NALCN: variants seen among roughly 807,000 people sequenced by gnomAD.
NALCN encodes sodium leak channel, non-selective, also known as sodium leak channel NALCN.
Under a neutral mutation model 225.3 loss-of-function variants are expected in NALCN, and 111 were observed. The ratio of observed to expected loss-of-function variants is 0.49; its 90% confidence interval spans 0.42 to 0.58. NALCN has a LOEUF of 0.58. NALCN is among the 20% of genes least tolerant of loss of function. The pLI, the probability that NALCN is intolerant of heterozygous loss-of-function variation, is 0.00. For synonymous variants in NALCN, 764 were observed against 769.0 expected (o/e 0.99, Z 0.11); for missense variants, 1,378 against 2,202.4 (o/e 0.63, Z 7.49).
chr13:101,090,077 T>A, intron 28 of NALCN, 111 bp from the exon 29 acceptor site: 3 of 1,471,604 alleles, frequency 2.0e-6, no homozygotes, highest in South Asian at 1.3e-5. Context: ...TGTGTGTGTA[T>A]ATACACACAC....
At chr13:101,148,221 G>A (rs182880384) in intron 15 of NALCN, among the ~76,000 whole-genome samples, 17 of 152,196 alleles carry the variant, frequency 1.1e-4, no homozygotes, top group African/African-American at 3.1e-4. Flanking sequence ...AAACCAAGGC[G>A]CCAGCAGGGC....
chr13:101,412,990 G>A (rs2047832987), intron 1 of NALCN, among the ~76,000 whole-genome samples: 1 of 152,034 alleles, frequency 6.6e-6, no homozygotes, highest in Non-Finnish European at 1.5e-5. Context: ...TGGTTTTCAG[G>A]TGATTTTTGT....
At chr13:101,183,930 AG>A (rs1267988979) in intron 14 of NALCN, among the ~76,000 whole-genome samples, 1 of 152,226 alleles carries the variant, frequency 6.6e-6, no homozygotes, top group Non-Finnish European at 1.5e-5. Flanking sequence ...GCTGTAAAAA[AG>A]AAAGCCAAAT....
chr13:101,210,351 ACTAAGACT>A (rs1009246906), intron 13 of NALCN, among the ~76,000 whole-genome samples: 45 of 152,314 alleles, frequency 3.0e-4, no homozygotes, highest in African/African-American at 1.0e-3. Context: ...CTTCTGGCAC[ACTAAGACT>A]CTGGGTGTTA....
intron 3 of NALCN, among the ~76,000 whole-genome samples, chr13:101,391,044 G>A (rs966456821): frequency 1.3e-5 from 2 of 151,330 alleles, no homozygotes; most frequent in African/African-American, 4.9e-5. Flanking sequence ...ATGTACCCTA[G>A]AACTTAAAGT....
intron 7 of NALCN, among the ~76,000 whole-genome samples, chr13:101,296,702 C>T (rs770900211): frequency 3.3e-5 from 5 of 152,104 alleles, no homozygotes; most frequent in Non-Finnish European, 7.4e-5. Context: ...AACAATAAGG[C>T]CTGTTCCAAA....
At position 101,195,036 on chromosome 13, in the gene NALCN, A is replaced by C. The variant is rs530930526; in HGVS notation, c.1627-2982T>G. ...AAAAGAAAATAAAAAGAAAGGGAAG[A>C]ATAGTAACTTTGGTGTGTAAGCAAA... On this transcript the variant is annotated intron_variant, in intron 13 of 43. Transcript: ENST00000251127. Among the ~76,000 whole-genome samples, 8 of 152,240 alleles carry C rather than the reference A, an allele frequency of 5.3e-5. No individual in the cohort carries two copies. The South Asian group carries it at 1.5e-3, about 28-fold the overall frequency.
intron 6 of NALCN, chr13:101,368,823 T>C (rs1181129355): frequency 6.0e-6 from 1 of 166,064 alleles, no homozygotes; most frequent in African/African-American, 2.4e-5. Flanking sequence ...CTGGCCAACA[T>C]GATGAAGCCC....
chr13:101,074,437 A>G, intron 36 of NALCN, 77 bp downstream of exon 36: 1 of 1,364,358 alleles, frequency 7.3e-7, no homozygotes, highest in Non-Finnish European at 9.6e-7. Context: ...TAATAGACAA[A>G]AAACATTTGT....
chr13:101,300,021 T>TA lies in NALCN; in HGVS notation c.800-7656dup, dbSNP rs71767864. On this transcript the variant is annotated intron_variant, in intron 7 of 43. Transcript: ENST00000251127. ...GTAAATGTATTTAGTGTGACATAATTAAAAAAAAAAAGCAGCAGCGAGGGG... is the reference window on the plus strand; with the variant it reads ...GTAAATGTATTTAGTGTGACATAATTAAAAAAAAAAAAGCAGCAGCGAGGGG... 2.6e-3 allele frequency among the ~76,000 whole-genome samples: 376 copies of TA among 144,398 alleles called. 4 individuals carry two copies. Among genetic ancestry groups the TA allele is most frequent in the African/African-American group, 7.9e-3 (311 of 39,278 alleles). The allele number at this position is 144,398 out of a possible 152,430, so 94.7% of individuals were successfully genotyped here.
chr13:101,253,409 A>T (rs943286010), intron 11 of NALCN, among the ~76,000 whole-genome samples: 1 of 152,164 alleles, frequency 6.6e-6, no homozygotes, highest in African/African-American at 2.4e-5. Flanking sequence ...AAAGCTCATG[A>T]CCTGTTGTGA....
intron 20 of NALCN, among the ~76,000 whole-genome samples, chr13:101,109,703 C>A (rs762372983): frequency 8.5e-5 from 13 of 152,120 alleles, no homozygotes; most frequent in African/African-American, 1.4e-4. Context: ...ATTTCCCAAA[C>A]CTTTCATTGT....
At chr13:101,106,175 T>C (rs2035087481) in intron 22 of NALCN, among the ~76,000 whole-genome samples, 1 of 152,148 alleles carries the variant, frequency 6.6e-6, no homozygotes, top group Non-Finnish European at 1.5e-5. Context: ...CTTCTCTCTG[T>C]ATATGTCTGT....
intron 7 of NALCN, among the ~76,000 whole-genome samples, chr13:101,304,135 C>T (rs2044069939): frequency 6.6e-6 from 1 of 152,070 alleles, no homozygotes; most frequent in South Asian, 2.1e-4. Context: ...TCAATGACCT[C>T]CATTTAAATC....
intron 13 of NALCN, among the ~76,000 whole-genome samples, chr13:101,192,504 ATAT>A (rs2039722781): frequency 6.6e-6 from 1 of 152,128 alleles, no homozygotes; most frequent in South Asian, 2.1e-4. Flanking sequence ...CCTTTCTATC[ATAT>A]TATTTTAGCT....
intron 13 of NALCN, among the ~76,000 whole-genome samples, chr13:101,219,756 A>G (rs960525010): frequency 6.6e-6 from 1 of 152,118 alleles, no homozygotes; most frequent in Non-Finnish European, 1.5e-5. Flanking sequence ...TCCTAACTGA[A>G]CACTTTCTAG....
chr13:101,278,485 T>C (rs1304999173), intron 10 of NALCN, among the ~76,000 whole-genome samples: 1 of 133,264 alleles, frequency 7.5e-6, no homozygotes, highest in Non-Finnish European at 1.5e-5. Flanking sequence ...ATTGTGCCAC[T>C]GGATTCCAGC....
intron 7 of NALCN, among the ~76,000 whole-genome samples, chr13:101,314,292 C>T (rs1439717875): frequency 6.6e-6 from 1 of 151,524 alleles, no homozygotes; most frequent in Non-Finnish European, 1.5e-5. Flanking sequence ...GCACATGTAC[C>T]CTAAAACTTA....
chr13:101,396,737 T>C (rs954225328), intron 2 of NALCN, among the ~76,000 whole-genome samples: 11 of 152,110 alleles, frequency 7.2e-5, no homozygotes, highest in Non-Finnish European at 1.5e-5. Context: ...AATCTAATTA[T>C]ACAAAAGAGC....
Sources: gnomAD v4.1 joint callset for allele counts (sites outside exome capture counted in the v4.1 genomes callset) on GRCh38, gnomAD v4.1.1 for gene constraint, MANE v1.5 for transcripts, NCBI Gene and HGNC (gene_info 2026-07-23, HGNC 2026-07-21) for gene names.